Variants in LYN observed in about 807,000 individuals in gnomAD.
LYN encodes the protein LYN proto-oncogene, Src family tyrosine kinase.
LYN carries 12 observed loss-of-function variants against 65.0 expected under a neutral mutation model. The observed-to-expected ratio is 0.18, with a 90% CI of 0.12 to 0.30. LYN has a LOEUF of 0.30. LYN is among the 10% of genes least tolerant of loss of function. The pLI, the probability that LYN is intolerant of heterozygous loss-of-function variation, is 1.00. For missense variants in LYN, 380 were observed against 623.2 expected, an observed-to-expected ratio of 0.61 and a Z score of 4.16; for synonymous variants, 222 against 221.2, an observed-to-expected ratio of 1.00 and a Z score of -0.03.
chr8:55,886,664 C>G (rs950692008), intron 1 of LYN, among the ~76,000 whole-genome samples: 1 of 152,192 alleles, frequency 6.6e-6, no homozygotes, highest in African/African-American at 2.4e-5. Flanking sequence ...GGAACAGCCC[C>G]TCCCCTTAAC....
chr8:55,899,457 C>A (rs71519440), intron 1 of LYN, among the ~76,000 whole-genome samples: 2,394 of 152,220 alleles, frequency 0.016, 30 homozygotes, highest in Non-Finnish European at 0.023. Context: ...AGACTTTATA[C>A]ATTAACATAA....
At chr8:55,982,303 T>C (rs960912449) in intron 10 of LYN, among the ~76,000 whole-genome samples, 7 of 152,050 alleles carry the variant, frequency 4.6e-5, no homozygotes, top group African/African-American at 1.7e-4. Context: ...TCAGATTTGG[T>C]TTTGTTTTTT....
At chr8:55,934,986 G>A (rs12675846) in intron 1 of LYN, among the ~76,000 whole-genome samples, 35,260 of 152,072 alleles carry the variant, frequency 0.23, 5,203 homozygotes, top group Non-Finnish European at 0.32. Flanking sequence ...CCTAACCATC[G>A]AAGCAGCTCT....
Position 55,914,648 on chromosome 8 carries a change from G to A in LYN, c.-5-27207G>A, listed in dbSNP as rs538005151. Among the ~76,000 whole-genome samples the A allele has an allele frequency of 1.8e-4, 27 of 152,230 alleles. No homozygotes were observed. In the South Asian group the frequency reaches 5.6e-3, roughly 32 times the overall value. On this transcript the variant is annotated intron_variant, in intron 1 of 12. Coordinates refer to ENST00000519728, the MANE Select transcript of LYN (RefSeq NM_002350.4). Reference sequence around the variant, plus strand: ...TGTTAGGAATCCAGATAACAGAATGGCCATAGTGGTGATTATGTTCCTTCT... The same window carrying A: ...TGTTAGGAATCCAGATAACAGAATGACCATAGTGGTGATTATGTTCCTTCT...
intron 10 of LYN, among the ~76,000 whole-genome samples, chr8:55,974,938 A>G (rs770218432): frequency 6.6e-6 from 1 of 152,160 alleles, no homozygotes; most frequent in Non-Finnish European, 1.5e-5. Context: ...AGGAGGCCAG[A>G]TCCGCTCCCC....
intron 12 of LYN, among the ~76,000 whole-genome samples, chr8:56,005,727 T>C (rs1808654551): frequency 1.3e-5 from 2 of 152,220 alleles, no homozygotes; most frequent in African/African-American, 2.4e-5. Flanking sequence ...GCAAAAGATC[T>C]TTACTTCATT....
At chr8:55,911,286 T>TATATATA (rs1491536693) in intron 1 of LYN, among the ~76,000 whole-genome samples, 18 of 18,794 alleles carry the variant, frequency 9.6e-4, no homozygotes, top group South Asian at 3.2e-3. Flanking sequence ...TATATATATA[T>TATATATA]TTTTTTTTTT....
At chr8:55,931,134 T>TAATAAAATATATTATATTTTTA (rs544656099) in intron 1 of LYN, among the ~76,000 whole-genome samples, 1 of 147,688 alleles carries the variant, frequency 6.8e-6, no homozygotes, top group Non-Finnish European at 1.5e-5. Context: ...TTTTTATATA[T>TAATAAAATATATTATATTTTTA]AATAAAATAT....
Position 55,938,718 on chromosome 8 carries a change from A to G in LYN, c.-5-3137A>G, listed in dbSNP as rs117888545. On this transcript the variant is annotated intron_variant, in intron 1 of 12. Coordinates refer to ENST00000519728, the MANE Select transcript of LYN (RefSeq NM_002350.4). ...TCTGAGAAAGAGGTAGCCTATAAAA[A>G]TAATCTCTTTGTTTGGCATTGTTAA... 1.2e-4 allele frequency among the ~76,000 whole-genome samples: 19 copies of G among 152,342 alleles called. No individual in the cohort carries two copies. The East Asian group carries it at 3.7e-3, about 29-fold the overall frequency.
intron 12 of LYN, among the ~76,000 whole-genome samples, chr8:56,005,428 G>A (rs1163791503): frequency 6.6e-6 from 1 of 152,174 alleles, no homozygotes; most frequent in African/African-American, 2.4e-5. Context: ...GGTACTATGG[G>A]CTCCAGGTAC....
chr8:55,966,803 C>T lies in LYN; in HGVS notation c.879C>T (p.Leu293=), dbSNP rs1646444976. 5 of 1,614,154 alleles carry T rather than the reference C, an allele frequency of 3.1e-6. No individual in the cohort carries two copies. The highest frequency in any genetic ancestry group is 1.6e-4 in the Middle Eastern group (1 of 6,062). ...AAGCCTTCCTGGAAGAAGCCAACCTCATGAAGACCCTGCAGCATGACAAGC... is the reference window on the plus strand; with the variant it reads ...AAGCCTTCCTGGAAGAAGCCAACCTTATGAAGACCCTGCAGCATGACAAGC... ...SVQAFLEEAN[L]MKTLQHDKLV... The change falls in exon 9 of 13, where the codon CTC becomes CTT. Residue 293 remains leucine (L), a synonymous_variant. Coordinates refer to ENST00000519728, the MANE Select transcript of LYN (RefSeq NM_002350.4).
At chr8:55,982,947 G>A (rs1019647990) in intron 10 of LYN, among the ~76,000 whole-genome samples, 5 of 151,676 alleles carry the variant, frequency 3.3e-5, no homozygotes, top group Admixed American at 1.3e-4. Context: ...CCGCCCCTCC[G>A]CTCCTGCTTC....
intron 12 of LYN, among the ~76,000 whole-genome samples, chr8:56,006,773 A>G (rs1808683819): frequency 1.3e-5 from 2 of 152,252 alleles, no homozygotes; most frequent in African/African-American, 4.8e-5. Context: ...GCAGATCACC[A>G]GCTAATGGGT....
At chr8:55,998,964 C>T (rs1285380655) in intron 11 of LYN, among the ~76,000 whole-genome samples, 2 of 152,098 alleles carry the variant, frequency 1.3e-5, no homozygotes, top group Non-Finnish European at 2.9e-5. Flanking sequence ...CTTTATTTTC[C>T]CACATTCTGT....
At chr8:55,911,271 ATATATATATATATATT>A (rs1274048955) in intron 1 of LYN, among the ~76,000 whole-genome samples, 3 of 43,652 alleles carry the variant, frequency 6.9e-5, no homozygotes, top group Non-Finnish European at 1.4e-4. Context: ...ATATATATAT[ATATATATATATATATT>A]TTTTTTTTTT....
At chr8:55,940,588 A>G (rs1257740051) in intron 1 of LYN, among the ~76,000 whole-genome samples, 5 of 152,092 alleles carry the variant, frequency 3.3e-5, no homozygotes, top group Non-Finnish European at 7.4e-5. Context: ...GTTGGCCAGG[A>G]TGGTCTCCAT....
chr8:55,950,511 A>C lies in LYN; in HGVS notation c.337A>C (p.Ile113Leu). 6.2e-7 allele frequency: 1 copy of C among 1,614,004 alleles called. No individual in the cohort carries two copies. The highest frequency in any genetic ancestry group is 8.5e-7 in the Non-Finnish European group (1 of 1,179,992). Residue 113 changes from isoleucine to leucine, a missense_variant, in exon 5 of 13, where the codon ATC becomes CTC. Transcript: ENST00000519728. ...KSLLTKKEGF[I>L]PSNYVAKLNT... ...CCTTTTAACAAAAAAAGAAGGCTTCATCCCCAGCAACTATGTGGCCAAACT... is the reference window on the plus strand; with the variant it reads ...CCTTTTAACAAAAAAAGAAGGCTTCCTCCCCAGCAACTATGTGGCCAAACT...
At chr8:55,941,211 T>A (rs1806601417) in intron 1 of LYN, among the ~76,000 whole-genome samples, 1 of 152,126 alleles carries the variant, frequency 6.6e-6, no homozygotes, top group Admixed American at 6.5e-5. Context: ...AGATTGGATG[T>A]GTCATTTGTC....
At chr8:55,920,626 A>G (rs1805918031) in intron 1 of LYN, among the ~76,000 whole-genome samples, 1 of 152,200 alleles carries the variant, frequency 6.6e-6, no homozygotes, top group Admixed American at 6.5e-5. Context: ...AAGAACAAGG[A>G]TAGACCCAAT....
Sources: gnomAD v4.1 joint callset for allele counts (sites outside exome capture counted in the v4.1 genomes callset) on GRCh38, gnomAD v4.1.1 for gene constraint, MANE v1.5 for transcripts, NCBI Gene and HGNC (gene_info 2026-07-23, HGNC 2026-07-21) for gene names.